Variants in USP6NL observed in about 807,000 individuals in gnomAD.
USP6NL encodes the protein USP6 N-terminal-like protein.
Under a neutral mutation model 61.9 loss-of-function variants are expected in USP6NL, and 26 were observed. The ratio of observed to expected loss-of-function variants is 0.42; its 90% CI spans 0.31 to 0.58. USP6NL has a LOEUF of 0.58. Ranked by LOEUF, USP6NL falls within the 20% of genes least tolerant of loss-of-function variation. The pLI is 0.16. For synonymous variants in USP6NL, 432 were observed against 390.1 expected (o/e 1.11, Z -1.27); for missense variants, 1,114 against 1,034.3 (o/e 1.08, Z -1.06).
In USP6NL at chr10:11,462,999, G is replaced by A. The variant is rs1204755007; in HGVS notation, c.1929C>T (p.Pro643=). 11 of 1,613,962 alleles carry A rather than the reference G, an allele frequency of 6.8e-6. No individual in the cohort carries two copies. The highest frequency in any genetic ancestry group is 2.2e-5 in the East Asian group (1 of 44,880). The change falls in exon 15 of 15, where the codon CCC becomes CCT. Residue 643 remains proline, a synonymous_variant. Coordinates refer to ENST00000609104, the MANE Select transcript of USP6NL (RefSeq NM_014688.5). ...TGCTGTTGGCAGTAGGGAAGTGTTT[G>A]GGAGAGTTTCCGTGGTAAACGGGGG... ...SNPPVYHGNS[P]KHFPTANSSF...
chr10:11,573,805 G>A (rs1837444819), intron 2 of USP6NL: 1 of 395,224 alleles, frequency 2.5e-6, no homozygotes, highest in East Asian at 3.6e-5. Context: ...AGAAATGAAT[G>A]CTTTGCCTAG....
At chr10:11,603,121 C>A (rs1032288526) in intron 1 of USP6NL, among the ~76,000 whole-genome samples, 5 of 152,118 alleles carry the variant, frequency 3.3e-5, no homozygotes, top group African/African-American at 1.2e-4. Context: ...ATGAGATGGG[C>A]CTAAGAGCAA....
chr10:11,473,818 C>T (rs1384840208), intron 14 of USP6NL, among the ~76,000 whole-genome samples: 1 of 152,004 alleles, frequency 6.6e-6, no homozygotes, highest in Non-Finnish European at 1.5e-5. Context: ...TATTGCCCTA[C>T]CAAATTAGGA....
intron 2 of USP6NL, among the ~76,000 whole-genome samples, chr10:11,549,557 G>A (rs1591916317): frequency 6.6e-6 from 1 of 152,128 alleles, no homozygotes; most frequent in Admixed American, 6.5e-5. Flanking sequence ...AACTCAAAGA[G>A]CACCCTAAGC....
At position 11,561,643 on chromosome 10, in the gene USP6NL, C is replaced by T. The variant is rs574693588; in HGVS notation, c.5-34076G>A. 4.0e-4 allele frequency among the ~76,000 whole-genome samples: 61 copies of T among 152,334 alleles called. No homozygotes were observed. Among genetic ancestry groups the T allele is most frequent in the African/African-American group, 1.4e-3 (60 of 41,576 alleles). On this transcript the variant is annotated intron_variant, in intron 2 of 14. Coordinates refer to ENST00000609104, the MANE Select transcript of USP6NL (RefSeq NM_014688.5). This position sits in a 1 kb window ranked among gnomAD's most constrained non-coding sequence, Gnocchi z 4.1. The stretch of plus-strand genomic sequence containing the variant: ...TTCTTCTACTGACAGATAAGTTCTA[C>T]TGGTTTGGGTATTGTAAACAATGCT...
At chr10:11,560,328 A>G (rs992219100) in intron 2 of USP6NL, among the ~76,000 whole-genome samples, 8 of 152,190 alleles carry the variant, frequency 5.3e-5, no homozygotes, top group East Asian at 1.9e-4. Flanking sequence ...ATCAAGGATC[A>G]GAAACATCAC....
Position 11,511,482 on chromosome 10 carries a change from G to A in USP6NL, c.196-1807C>T, listed in dbSNP as rs149398786. On this transcript the variant is annotated intron_variant, in intron 5 of 14. Transcript: ENST00000609104. The surrounding 1 kb of genome is among the most constrained non-coding windows in gnomAD (Gnocchi z 4.9). The stretch of plus-strand genomic sequence containing the variant: ...CACTTTCTCCCCTGACTTCTTCAAA[G>A]CATAATCCTTTTTTCCACCAACAGG... Among the ~76,000 whole-genome samples, 90 of 152,204 alleles carry A rather than the reference G, an allele frequency of 5.9e-4. No homozygotes were observed. The highest frequency in any genetic ancestry group is 1.9e-3 in the African/African-American group (78 of 41,538).
At chr10:11,505,943 C>T (rs980597810) in intron 6 of USP6NL, among the ~76,000 whole-genome samples, 2 of 152,206 alleles carry the variant, frequency 1.3e-5, no homozygotes, top group African/African-American at 4.8e-5. Context: ...CAAACAGCAA[C>T]AGGTCTCCCA....
intron 7 of USP6NL, among the ~76,000 whole-genome samples, chr10:11,497,573 T>C (rs1411272643): frequency 1.3e-5 from 2 of 152,032 alleles, no homozygotes; most frequent in Non-Finnish European, 2.9e-5. Context: ...AAATAAAAGT[T>C]AATAGGAAGG....
rs1270446691 is a variant in USP6NL at position 11,491,897 on chromosome 10, T to G, written c.495-1017A>C. ...AACGTGGCATTATAAACACCACCTG[T>G]GACCACATGACCAGTCACAGAAGGG... On this transcript the variant is annotated intron_variant, in intron 8 of 14. Transcript: ENST00000609104. The surrounding 1 kb of genome is among the most constrained non-coding windows in gnomAD (Gnocchi z 4.7). 6.6e-6 allele frequency among the ~76,000 whole-genome samples: 1 copy of G among 152,226 alleles called. No individual in the cohort carries two copies. The highest frequency in any genetic ancestry group is 1.5e-5 in the Non-Finnish European group (1 of 68,040).
At chr10:11,469,866 C>T (rs1832655250) in intron 14 of USP6NL, among the ~76,000 whole-genome samples, 1 of 152,098 alleles carries the variant, frequency 6.6e-6, no homozygotes, top group African/African-American at 2.4e-5. Context: ...AAGTATAGCC[C>T]GTGCACGCTC....
chr10:11,506,549 T>A (rs1489957463), intron 6 of USP6NL, among the ~76,000 whole-genome samples: 1 of 152,072 alleles, frequency 6.6e-6, no homozygotes, highest in East Asian at 1.9e-4. Context: ...CTTGGGAAGC[T>A]GAGGCAGGAC....
intron 2 of USP6NL, among the ~76,000 whole-genome samples, chr10:11,572,335 G>A (rs180878743): frequency 3.9e-5 from 6 of 151,982 alleles, no homozygotes; most frequent in Admixed American, 3.3e-4. Flanking sequence ...TTTCAGAAGG[G>A]GAGCAGAAAT....
At position 11,485,058 on chromosome 10, in the gene USP6NL, G is replaced by C. The variant is rs1371856372; in HGVS notation, c.838C>G (p.Leu280Val). Residue 280 changes from leucine to valine, a missense_variant, in exon 13 of 15, where the codon CTA becomes GTA. Leu to Val is a conservative substitution (Grantham distance 32). Coordinates refer to ENST00000609104, the MANE Select transcript of USP6NL (RefSeq NM_014688.5). This position sits in a 1 kb window ranked among gnomAD's most constrained non-coding sequence, Gnocchi z 4.8. ...QCFLDRTPFTLNLRIWDIYIF... is the reference protein window; with the variant it reads ...QCFLDRTPFTVNLRIWDIYIF... ...TAGATATCCCATATTCTGAGGTTTA[G>C]TGTAAAGGGAGTCTACAATTAAAAG... The C allele has an allele frequency of 2.6e-6, 4 of 1,546,914 alleles. No homozygotes were observed. The highest frequency in any genetic ancestry group is 3.5e-6 in the Non-Finnish European group (4 of 1,145,878).
intron 2 of USP6NL, among the ~76,000 whole-genome samples, chr10:11,550,655 G>A (rs928469018): frequency 3.3e-5 from 5 of 152,062 alleles, no homozygotes; most frequent in South Asian, 4.1e-4. Flanking sequence ...ACTCAGGGAG[G>A]CTGAGGCAGA....
chr10:11,541,024 C>T (rs1566168219), intron 2 of USP6NL, among the ~76,000 whole-genome samples: 1 of 151,254 alleles, frequency 6.6e-6, no homozygotes, highest in Non-Finnish European at 1.5e-5. Context: ...GCTCCAAGCA[C>T]AGTACCACAG....
rs1835994400 is a variant in USP6NL, at chr10:11,540,254, G to T, written c.5-12687C>A. 6.6e-6 allele frequency among the ~76,000 whole-genome samples: 1 copy of T among 152,138 alleles called. No individual in the cohort carries two copies. Among genetic ancestry groups the T allele is most frequent in the African/African-American group, 2.4e-5 (1 of 41,438 alleles). On this transcript the variant is annotated intron_variant, in intron 2 of 14. Transcript: ENST00000609104. This position sits in a 1 kb window ranked among gnomAD's most constrained non-coding sequence, Gnocchi z 5.0. ...TGAAGAATCCAAGAACAATTTATATGAAATATTCTTTGTGGTCATAATCAA... is the reference window on the plus strand; with the variant it reads ...TGAAGAATCCAAGAACAATTTATATTAAATATTCTTTGTGGTCATAATCAA...
chr10:11,527,115 G>A (rs185288974), intron 3 of USP6NL, among the ~76,000 whole-genome samples: 104 of 151,918 alleles, frequency 6.8e-4, no homozygotes, highest in African/African-American at 2.2e-3. Context: ...ACAGAGTGCT[G>A]AGGGTAGAAT....
chr10:11,592,388 G>C lies in USP6NL; in HGVS notation c.4+5243C>G, dbSNP rs977254291. On this transcript the variant is annotated intron_variant, in intron 2 of 14. Transcript: ENST00000609104. The surrounding 1 kb of genome is among the most constrained non-coding windows in gnomAD (Gnocchi z 4.7). ...GTCTGACAGTGGCCCCTGCCCACTA[G>C]ATGCCATCAGGTCCCCCAGTAACTG... Among the ~76,000 whole-genome samples, 2 of 152,144 alleles carry C rather than the reference G, an allele frequency of 1.3e-5. No individual in the cohort carries two copies. The highest frequency in any genetic ancestry group is 2.9e-5 in the Non-Finnish European group (2 of 68,038).
Sources: gnomAD v4.1 joint callset for allele counts (sites outside exome capture counted in the v4.1 genomes callset) on GRCh38, gnomAD v4.1.1 for gene constraint, Gnocchi (gnomAD v3.1) non-coding constraint, MANE v1.5 for transcripts, NCBI Gene and HGNC (gene_info 2026-07-23, HGNC 2026-07-21) for gene names.